LSAMP: variants seen among roughly 807,000 people sequenced by gnomAD.
The protein encoded by LSAMP is limbic system associated membrane protein.
A neutral mutation model predicts 38.6 loss-of-function variants in LSAMP; 7 were observed. That is an observed-to-expected ratio of 0.18 (90% CI 0.10 to 0.34). The LOEUF is 0.34. Ranked by LOEUF, LSAMP falls within the 10% of genes least tolerant of loss-of-function variation. LSAMP has a pLI of 1.00. For missense variants in LSAMP, 313 were observed against 420.0 expected, an observed-to-expected ratio of 0.75 and a Z score of 2.23; for synonymous variants, 154 against 166.8, an observed-to-expected ratio of 0.92 and a Z score of 0.59.
intron 1 of LSAMP, among the ~76,000 whole-genome samples, chr3:116,139,290 T>C (rs1709321565): frequency 6.6e-6 from 1 of 151,962 alleles, no homozygotes; most frequent in Admixed American, 6.6e-5. Context: ...CTCTTTGCCT[T>C]TAAACTTATT....
chr3:116,270,027 A>AATTCTAATC (rs2107668768), intron 1 of LSAMP, among the ~76,000 whole-genome samples: 1 of 152,278 alleles, frequency 6.6e-6, no homozygotes, highest in East Asian at 1.9e-4. Context: ...ATTTTTCTAA[A>AATTCTAATC]ATTCTAATCA....
chr3:116,226,316 A>G (rs1453338500), intron 1 of LSAMP, among the ~76,000 whole-genome samples: 8 of 152,328 alleles, frequency 5.3e-5, no homozygotes, highest in African/African-American at 1.9e-4. Context: ...CAGGGAGAGC[A>G]AGATCAAAGT....
Position 116,223,844 on chromosome 3 carries a change from T to C in LSAMP, c.156-137288A>G, listed in dbSNP as rs2046314896. Among the ~76,000 whole-genome samples, 5 of 152,276 alleles carry C rather than the reference T, an allele frequency of 3.3e-5. No homozygotes were observed. In the South Asian group the frequency reaches 1.0e-3, roughly 32 times the overall value. ...ATGCTGCTGCCTGAGGTCTGACCCT[T>C]TATGCATACAAACTATATAGAGAAG... On this transcript the variant is annotated intron_variant, in intron 1 of 6. Coordinates refer to ENST00000490035, the MANE Select transcript of LSAMP (RefSeq NM_002338.5).
intron 3 of LSAMP, among the ~76,000 whole-genome samples, chr3:115,894,177 G>C (rs1260725946): frequency 6.6e-6 from 1 of 152,028 alleles, no homozygotes; most frequent in African/African-American, 2.4e-5. Flanking sequence ...TTGGACAAAA[G>C]TCTATGGTGC....
intron 3 of LSAMP, among the ~76,000 whole-genome samples, chr3:115,994,787 A>G (rs1234847832): frequency 6.6e-6 from 1 of 152,102 alleles, no homozygotes; most frequent in Non-Finnish European, 1.5e-5. Flanking sequence ...CTGTGGACTC[A>G]AAAGAAACTA....
intron 1 of LSAMP, among the ~76,000 whole-genome samples, chr3:116,290,150 C>G (rs2047245375): frequency 1.3e-5 from 2 of 152,046 alleles, no homozygotes; most frequent in Non-Finnish European, 2.9e-5. Flanking sequence ...GTATACAACT[C>G]CCTCATTTAG....
intron 2 of LSAMP, among the ~76,000 whole-genome samples, chr3:116,084,472 C>A (rs1267664407): frequency 1.1e-3 from 110 of 103,558 alleles, no homozygotes; most frequent in South Asian, 3.3e-3. Flanking sequence ...AAAAAAAAAA[C>A]CAAAAAAAAC....
At chr3:116,174,634 G>C (rs778427359) in intron 1 of LSAMP, among the ~76,000 whole-genome samples, 1 of 151,866 alleles carries the variant, frequency 6.6e-6, no homozygotes, top group African/African-American at 2.4e-5. Flanking sequence ...TCAACCAGAA[G>C]ACTAAGCAAC....
Position 116,172,853 on chromosome 3 carries a change from T to C in LSAMP, c.156-86297A>G, listed in dbSNP as rs1321167391. 2.0e-5 allele frequency among the ~76,000 whole-genome samples: 3 copies of C among 151,978 alleles called. No individual in the cohort carries two copies. In the East Asian group the frequency reaches 5.8e-4, roughly 29 times the overall value. The stretch of plus-strand genomic sequence containing the variant: ...GGTTGGTTCACTTATATTGGCATTG[T>C]TGAGTGAAGTGTTTCTTTCCCCTCT... On this transcript the variant is annotated intron_variant, in intron 1 of 6. Coordinates refer to ENST00000490035, the MANE Select transcript of LSAMP (RefSeq NM_002338.5).
chr3:116,247,550 G>C (rs1038306455), intron 1 of LSAMP, among the ~76,000 whole-genome samples: 1 of 152,172 alleles, frequency 6.6e-6, no homozygotes, highest in African/African-American at 2.4e-5. Context: ...GAGATTTTTA[G>C]AGATATTTTT....
chr3:116,199,501 C>A lies in LSAMP; in HGVS notation c.156-112945G>T, dbSNP rs74493835. Among the ~76,000 whole-genome samples, 248 of 152,194 alleles carry A rather than the reference C, an allele frequency of 1.6e-3. 1 individual carries two copies. Among genetic ancestry groups the A allele is most frequent in the African/African-American group, 5.3e-3 (221 of 41,520 alleles). On this transcript the variant is annotated intron_variant, in intron 1 of 6. Coordinates refer to ENST00000490035, the MANE Select transcript of LSAMP (RefSeq NM_002338.5). ...CTGTGTCTTATTCAATTTTGTGGTC[C>A]CAGAACATATCTCAGTTCTTAGCAC...
At chr3:116,435,090 G>A (rs1010135768) in intron 1 of LSAMP, among the ~76,000 whole-genome samples, 2 of 152,118 alleles carry the variant, frequency 1.3e-5, no homozygotes, top group African/African-American at 2.4e-5. Flanking sequence ...TCCCCACAGA[G>A]CTAGACCAGG....
chr3:115,811,663 C>A, intron 6 of LSAMP, among the ~76,000 whole-genome samples: 1 of 151,712 alleles, frequency 6.6e-6, no homozygotes, highest in South Asian at 2.1e-4. Flanking sequence ...ACAAACATAC[C>A]CAATTGGAGA....
intron 1 of LSAMP, among the ~76,000 whole-genome samples, chr3:116,144,055 G>T (rs1434065574): frequency 6.6e-6 from 1 of 151,888 alleles, no homozygotes; most frequent in African/African-American, 2.4e-5. Context: ...GTGTTTTTTA[G>T]ATTCCAGGCA....
At chr3:116,332,619 A>G (rs73861631) in intron 1 of LSAMP, among the ~76,000 whole-genome samples, 1,888 of 152,256 alleles carry the variant, frequency 0.012, 46 homozygotes, top group African/African-American at 0.044. Flanking sequence ...AGTAGCAAAA[A>G]GATAGAAGTA....
Position 116,219,414 on chromosome 3 carries a change from G to A in LSAMP, c.156-132858C>T, listed in dbSNP as rs185684382. ...TGTGAATAGTGCTGCAATGAACATC[G>A]GAGTGCTAACTAGTATCTCTTTGAG... On this transcript the variant is annotated intron_variant, in intron 1 of 6. Coordinates refer to ENST00000490035, the MANE Select transcript of LSAMP (RefSeq NM_002338.5). Among the ~76,000 whole-genome samples, 115 of 152,230 alleles carry A rather than the reference G, an allele frequency of 7.6e-4. 1 individual carries two copies. The highest frequency in any genetic ancestry group is 6.8e-3 in the Middle Eastern group (2 of 294).
At chr3:116,281,401 A>G (rs1001329504) in intron 1 of LSAMP, among the ~76,000 whole-genome samples, 1 of 152,142 alleles carries the variant, frequency 6.6e-6, no homozygotes, top group Non-Finnish European at 1.5e-5. Context: ...CATGACAATT[A>G]CTCATTTTAT....
chr3:115,825,439 G>T (rs1934376614), intron 6 of LSAMP, among the ~76,000 whole-genome samples: 1 of 152,086 alleles, frequency 6.6e-6, no homozygotes, highest in Non-Finnish European at 1.5e-5. Flanking sequence ...AATACTGATG[G>T]CTCCTTACAA....
intron 3 of LSAMP, among the ~76,000 whole-genome samples, chr3:115,870,777 T>C (rs1001347359): frequency 1.3e-5 from 2 of 152,152 alleles, no homozygotes; most frequent in Admixed American, 6.6e-5. Flanking sequence ...CCTGAGACTT[T>C]CTAGGGAAGA....
Sources: gnomAD v4.1 joint callset for allele counts (sites outside exome capture counted in the v4.1 genomes callset) on GRCh38, gnomAD v4.1.1 for gene constraint, MANE v1.5 for transcripts, NCBI Gene and HGNC (gene_info 2026-07-23, HGNC 2026-07-21) for gene names.